KNTC1: variants seen among roughly 807,000 people sequenced by gnomAD.
The protein encoded by KNTC1 is kinetochore-associated protein 1.
KNTC1 carries 253 observed loss-of-function variants against 314.4 expected under a neutral mutation model. The observed-to-expected ratio is 0.80, with a 90% CI of 0.73 to 0.89. KNTC1 has a LOEUF of 0.89. Among genes scored for constraint, KNTC1 ranks in the 40% least tolerant of loss-of-function variants. KNTC1 has a pLI of 0.00. For missense variants in KNTC1, 2,475 were observed against 2,572.9 expected (o/e 0.96, Z 0.82); for synonymous variants, 901 against 901.4 (o/e 1.00, Z 0.01).
chr12:122,591,335 A>C lies in KNTC1; in HGVS notation c.4129-2A>C. On this transcript the variant is annotated splice_acceptor_variant, in intron 41 of 63. Coordinates refer to ENST00000333479, the MANE Select transcript of KNTC1 (RefSeq NM_014708.6). LOFTEE classifies it high-confidence loss of function. ...AACTTTAATTCTCTTTTAATTTTTT[A>C]GGCAATATCTCTGGTGGGCTCTGAG... The C allele has an allele frequency of 1.3e-6, 2 of 1,514,460 alleles. No homozygotes were observed. The highest frequency in any genetic ancestry group is 2.2e-5 in the South Asian group (2 of 88,922). 93.8% of individuals were successfully genotyped at this position (1,514,460 alleles called of 1,614,324 possible). A position where few individuals can be genotyped will look rare whatever the true frequency, so the allele number is the denominator to read the frequency against.
chr12:122,600,309 G>A (rs1036143719), intron 44 of KNTC1, among the ~76,000 whole-genome samples: 1 of 152,172 alleles, frequency 6.6e-6, no homozygotes, highest in Non-Finnish European at 1.5e-5. Context: ...ATGTTGGCCA[G>A]GCTGGTCTCA....
At position 122,547,501 on chromosome 12, in the gene KNTC1, A is replaced by G. The variant is rs753305780; in HGVS notation, c.903A>G (p.Thr301=). 2.5e-6 allele frequency: 4 copies of G among 1,610,706 alleles called. No homozygotes were observed. Among genetic ancestry groups the G allele is most frequent in the Non-Finnish European group, 3.4e-6 (4 of 1,177,278 alleles). ...ACGTAGAAGAGTTTCTTCTTACTAC[A>G]GAAGCAGACTCTCCTTCATCAGTCA... The part of the protein sequence containing the change: ...SLHVEEFLLT[T]EADSPSSVTW... Residue 301 remains threonine (T), a synonymous_variant, in exon 11 of 64, where the codon ACA becomes ACG. Coordinates refer to ENST00000333479, the MANE Select transcript of KNTC1 (RefSeq NM_014708.6).
chr12:122,612,352 C>T (rs901711227), intron 53 of KNTC1, among the ~76,000 whole-genome samples: 3 of 151,642 alleles, frequency 2.0e-5, no homozygotes, highest in Non-Finnish European at 4.4e-5. Context: ...AGGCGTGAGC[C>T]ACTGCACCCA....
intron 2 of KNTC1, 106 bp downstream of exon 2, chr12:122,530,298 C>A: frequency 1.1e-6 from 1 of 938,380 alleles, no homozygotes; most frequent in Non-Finnish European, 1.6e-6. Context: ...AGCACTTCCT[C>A]AGGGAATCAA....
rs1873047818 is a variant in KNTC1 at position 122,610,903 on chromosome 12, A to G, written c.5622+3A>G. 1 of 1,603,992 alleles carries G rather than the reference A, an allele frequency of 6.2e-7. No homozygotes were observed. Among genetic ancestry groups the G allele is most frequent in the Non-Finnish European group, 8.5e-7 (1 of 1,171,002 alleles). ...TATTTGCAACATCAACTACAACCGTAAGCTCTAGAAACTTAATCCAAACTC... is the reference window on the plus strand; with the variant it reads ...TATTTGCAACATCAACTACAACCGTGAGCTCTAGAAACTTAATCCAAACTC... On this transcript the variant is annotated splice_donor_region_variant and intron_variant, in intron 53 of 63. Coordinates refer to ENST00000333479, the MANE Select transcript of KNTC1 (RefSeq NM_014708.6).
intron 53 of KNTC1, chr12:122,611,474 A>T (rs1873110409): frequency 6.6e-6 from 1 of 152,476 alleles, no homozygotes; most frequent in Non-Finnish European, 1.5e-5. Context: ...AGTCCGTGAC[A>T]AAAAGGAAAA....
chr12:122,626,246 T>A lies in KNTC1; in HGVS notation c.*18T>A. Reference sequence around the variant, plus strand: ...TATCGTAAATCACTGAACCTTTTTTTCAAGAAGGACAAGAATTTTGGAGTC... The same window carrying A: ...TATCGTAAATCACTGAACCTTTTTTACAAGAAGGACAAGAATTTTGGAGTC... On this transcript the variant is annotated 3_prime_UTR_variant, in exon 64 of 64. Coordinates refer to ENST00000333479, the MANE Select transcript of KNTC1 (RefSeq NM_014708.6). 1 of 1,573,216 alleles carries A rather than the reference T, an allele frequency of 6.4e-7. No individual in the cohort carries two copies. Among genetic ancestry groups the A allele is most frequent in the Non-Finnish European group, 8.7e-7 (1 of 1,148,000 alleles).
Position 122,602,759 on chromosome 12 carries a change from T to G in KNTC1, c.4825+19T>G. 2 of 1,612,574 alleles carry G rather than the reference T, an allele frequency of 1.2e-6. No individual in the cohort carries two copies. The highest frequency in any genetic ancestry group is 1.7e-6 in the Non-Finnish European group (2 of 1,179,252). ...ATTCTCTGTATGTGTTCATTAACTT[T>G]TTATGAATTTTACTGGATAGCCAAA... On this transcript the variant is annotated intron_variant, in intron 46 of 63. Transcript: ENST00000333479.
Position 122,579,976 on chromosome 12 carries a change from AG to A in KNTC1, c.2914+1del. On this transcript the variant is annotated frameshift_variant and splice_region_variant, in exon 32 of 64. Coordinates refer to ENST00000333479, the MANE Select transcript of KNTC1 (RefSeq NM_014708.6). LOFTEE classifies it high-confidence loss of function. ...ILKILCDIQK[D>X]NLQKKDECEE... Reference sequence around the variant, plus strand: ...TTAAGATACTATGTGACATTCAGAAAGGTAGCTTTTACTTCTGTTTTCTCAT... The same window carrying A: ...TTAAGATACTATGTGACATTCAGAAAGTAGCTTTTACTTCTGTTTTCTCAT... 3 of 1,600,018 alleles carry A rather than the reference AG, an allele frequency of 1.9e-6. No individual in the cohort carries two copies. In the East Asian group the frequency reaches 6.7e-5, roughly 36 times the overall value.
chr12:122,611,784 T>TA (rs1284116757), intron 53 of KNTC1: 1 of 152,222 alleles, frequency 6.6e-6, no homozygotes, highest in African/African-American at 2.4e-5. Flanking sequence ...GTCACCTACA[T>TA]ACATCCTCCT....
intron 37 of KNTC1, 110 bp downstream of exon 37, chr12:122,585,884 G>A: frequency 1.1e-6 from 1 of 935,568 alleles, no homozygotes; most frequent in Non-Finnish European, 1.7e-6. Flanking sequence ...AACCTTATAA[G>A]CGTAATGTGG....
chr12:122,530,541 C>T (rs1222027721), intron 2 of KNTC1, among the ~76,000 whole-genome samples: 1 of 151,442 alleles, frequency 6.6e-6, no homozygotes. Context: ...ATCTCTGACT[C>T]CCAGATTCAA....
In KNTC1 at chr12:122,605,298, TA is replaced by T. The variant is rs1872472048; in HGVS notation, c.5387-7del. The T allele has an allele frequency of 6.6e-7, 1 of 1,523,690 alleles. No homozygotes were observed. The highest frequency in any genetic ancestry group is 1.4e-5 in the African/African-American group (1 of 71,684). 94.4% of individuals were successfully genotyped at this position (1,523,690 alleles called of 1,614,324 possible). On this transcript the variant is annotated splice_polypyrimidine_tract_variant and splice_region_variant and intron_variant, in intron 50 of 63. Transcript: ENST00000333479. ...GAGTTTTTCTTTTCTTTATTTTGAA[TA>T]TCTTAGATATTCATGCAGCAGCTAA...
rs2138196737 is a variant in KNTC1, at chr12:122,621,929, G to A, written c.6328G>A (p.Glu2110Lys). The change falls in exon 61 of 64, where the codon GAG becomes AAG. Residue 2110 changes from glutamate to lysine, a missense_variant. Physicochemically the swap from Glu to Lys is moderately conservative, Grantham distance 56 (BLOSUM62 1). Coordinates refer to ENST00000333479, the MANE Select transcript of KNTC1 (RefSeq NM_014708.6). The part of the protein sequence containing the change: ...DPQVILKQLE[E>K]HMNTGQLAGF... ...TCAGGTTATTTTAAAGCAATTGGAAGAGCATATGAACACGGGCCAGCTAGC... is the reference window on the plus strand; with the variant it reads ...TCAGGTTATTTTAAAGCAATTGGAAAAGCATATGAACACGGGCCAGCTAGC... 1.9e-6 allele frequency: 3 copies of A among 1,609,834 alleles called. No individual in the cohort carries two copies. The East Asian group carries it at 6.7e-5, about 36-fold the overall frequency.
At chr12:122,612,425 T>TC (rs201631465) in intron 53 of KNTC1, among the ~76,000 whole-genome samples, 2 of 149,266 alleles carry the variant, frequency 1.3e-5, no homozygotes, top group Non-Finnish European at 3.0e-5. Flanking sequence ...TTTTTCTTTT[T>TC]TTTTTTTTTG....
intron 20 of KNTC1, among the ~76,000 whole-genome samples, chr12:122,563,997 A>G (rs1014426841): frequency 6.6e-6 from 1 of 152,212 alleles, no homozygotes; most frequent in African/African-American, 2.4e-5. Context: ...ATATTTTTTG[A>G]AACGGAGTCT....
chr12:122,567,626 G>A (rs1964432634), intron 20 of KNTC1, among the ~76,000 whole-genome samples: 1 of 151,940 alleles, frequency 6.6e-6, no homozygotes, highest in African/African-American at 2.4e-5. Context: ...ATCAGTTGAG[G>A]TCAGGGGTTT....
chr12:122,534,784 G>C lies in KNTC1; in HGVS notation c.250G>C (p.Asp84His). ...CRSLQLHLVF[D>H]TEVDVVGLCQ... ...ATCACTTCAATTGCATCTTGTCTTT[G>C]GTAAGTATAATGTAGTGAATGAAGT... Residue 84 changes from aspartate (D) to histidine (H), a missense_variant and splice_region_variant, in exon 3 of 64, where the codon GAT becomes CAT. Transcript: ENST00000333479. The C allele has an allele frequency of 6.2e-7, 1 of 1,612,604 alleles. No homozygotes were observed. Among genetic ancestry groups the C allele is most frequent in the Non-Finnish European group, 8.5e-7 (1 of 1,179,056 alleles).
intron 16 of KNTC1, among the ~76,000 whole-genome samples, chr12:122,554,074 A>ATATATATAT (rs71445282): frequency 6.9e-4 from 49 of 70,682 alleles, no homozygotes; most frequent in Middle Eastern, 0.013. Context: ...TAAAAAAAAA[A>ATATATATAT]AAATATATAT....
Sources: allele counts gnomAD v4.1 joint callset (sites outside exome capture counted in the v4.1 genomes callset), GRCh38; gene constraint gnomAD v4.1.1; transcripts MANE v1.5; gene names NCBI Gene and HGNC (gene_info 2026-07-23, HGNC 2026-07-21).